Variants in ABCA13 observed in about 807,000 individuals in gnomAD.
ABCA13 encodes ATP-binding cassette sub-family A member 13.
In ABCA13, 476 loss-of-function variants were observed where a neutral mutation model predicts 478.7. That is an observed-to-expected ratio of 0.99 (90% confidence interval 0.92 to 1.07). ABCA13 has a LOEUF of 1.07. ABCA13 is among the 50% of genes least tolerant of loss of function. ABCA13 has a pLI of 0.00. For missense variants in ABCA13, 6,060 were observed against 5,910.6 expected, an observed-to-expected ratio of 1.03 and a Z score of -0.83; for synonymous variants, 2,252 against 2,158.9, an observed-to-expected ratio of 1.04 and a Z score of -1.20.
chr7:48,585,201 G>A (rs1324777697), intron 56 of ABCA13, among the ~76,000 whole-genome samples: 7 of 151,996 alleles, frequency 4.6e-5, no homozygotes, highest in African/African-American at 1.2e-4. Context: ...TGAATAAAAC[G>A]TTTTGTTTTG....
rs372602347 is a variant in ABCA13 at position 48,196,557 on chromosome 7, T to G, written c.164-1680T>G. Among the ~76,000 whole-genome samples, 20 of 152,260 alleles carry G rather than the reference T, an allele frequency of 1.3e-4. No homozygotes were observed. The East Asian group carries it at 3.7e-3, about 28-fold the overall frequency. On this transcript the variant is annotated intron_variant, in intron 2 of 61. Coordinates refer to ENST00000435803, the MANE Select transcript of ABCA13 (RefSeq NM_152701.5). ...TTGGTGAGAAAGCCAGTCAGGAGCA[T>G]GCACTCAGCACCAGCCTGGCATGGC...
intron 30 of ABCA13, 23 bp from the exon 31 acceptor site, chr7:48,352,157 TC>T (rs1219253491): frequency 6.3e-7 from 1 of 1,585,592 alleles, no homozygotes; most frequent in East Asian, 2.2e-5. Flanking sequence ...TGGTAATGCT[TC>T]GTTTTTCCTT....
rs372374378 is a variant in ABCA13 at position 48,245,373 on chromosome 7, A to G, written c.1391-139A>G. The G allele has an allele frequency of 2.2e-5, 13 of 579,024 alleles. No individual in the cohort carries two copies. In the East Asian group the frequency reaches 2.6e-4, roughly 12 times the overall value. The allele number at this position is 579,024 out of a possible 1,614,324, so 35.9% of individuals were successfully genotyped here. ...TGACTCCTGTTTTCCTTTCTAAGGA[A>G]GAGAAGAAAATGTATAATAATAGGT... On this transcript the variant is annotated intron_variant, in intron 11 of 61. Transcript: ENST00000435803.
intron 47 of ABCA13, among the ~76,000 whole-genome samples, chr7:48,486,529 A>G (rs1829318018): frequency 1.3e-5 from 2 of 152,074 alleles, no homozygotes; most frequent in African/African-American, 4.8e-5. Context: ...AGGCTTCTCA[A>G]TTGTCTCTTT....
intron 35 of ABCA13, among the ~76,000 whole-genome samples, chr7:48,381,319 G>A (rs1228253377): frequency 6.6e-6 from 1 of 151,988 alleles, no homozygotes; most frequent in Non-Finnish European, 1.5e-5. Context: ...GTAGGAGGCA[G>A]GAGGCAGGTG....
chr7:48,620,172 A>C (rs1792999710), intron 59 of ABCA13, among the ~76,000 whole-genome samples: 1 of 132,918 alleles, frequency 7.5e-6, no homozygotes, highest in African/African-American at 3.2e-5. Flanking sequence ...GAAATAGCGA[A>C]ATATCTTAGA....
chr7:48,393,985 C>G (rs757463303), intron 38 of ABCA13, among the ~76,000 whole-genome samples: 1 of 152,156 alleles, frequency 6.6e-6, no homozygotes, highest in Non-Finnish European at 1.5e-5. Flanking sequence ...TTCTGCAAAG[C>G]TTATCTTGTC....
At chr7:48,407,485 A>AT (rs777453458) in intron 39 of ABCA13, among the ~76,000 whole-genome samples, 87 of 149,734 alleles carry the variant, frequency 5.8e-4, no homozygotes, top group Non-Finnish European at 9.7e-4. Context: ...AAAAAAAAAA[A>AT]TTTTCAGGGA....
intron 51 of ABCA13, among the ~76,000 whole-genome samples, chr7:48,515,998 C>G (rs1832079071): frequency 6.6e-6 from 1 of 152,034 alleles, no homozygotes; most frequent in Admixed American, 6.6e-5. Flanking sequence ...TGTTGTGACC[C>G]CATCCGGTGT....
chr7:48,224,530 A>G (rs1338874527), intron 5 of ABCA13, among the ~76,000 whole-genome samples: 2 of 152,242 alleles, frequency 1.3e-5, no homozygotes, highest in Admixed American at 1.3e-4. Flanking sequence ...TGGATGTTGC[A>G]GTGAACCTTC....
intron 42 of ABCA13, among the ~76,000 whole-genome samples, chr7:48,447,179 G>A (rs10254742): frequency 0.12 from 17,596 of 152,144 alleles, 1,215 homozygotes; most frequent in Admixed American, 0.16. Context: ...TGCCTCAAAA[G>A]TGGGTAATGC....
chr7:48,329,961 CCATCTATCCATCTATGCATCCATT>C (rs1804977693), intron 27 of ABCA13, among the ~76,000 whole-genome samples: 2 of 151,902 alleles, frequency 1.3e-5, no homozygotes, highest in African/African-American at 4.8e-5. Flanking sequence ...TTCTATCCAT[CCATCTATCCATCTATGCATCCATT>C]CATCTATCCA....
At chr7:48,330,619 A>T (rs1489219674) in intron 27 of ABCA13, among the ~76,000 whole-genome samples, 1 of 151,678 alleles carries the variant, frequency 6.6e-6, no homozygotes, top group East Asian at 1.9e-4. Context: ...CCATCCATCC[A>T]TCCATTCATC....
At chr7:48,287,936 TTC>T (rs572680451) in intron 19 of ABCA13, 22 bp from the exon 20 acceptor site, 12 of 1,586,004 alleles carry the variant, frequency 7.6e-6, no homozygotes, top group Non-Finnish European at 8.7e-6. Context: ...TATTAATTAT[TTC>T]TCTGTGTGTT....
At chr7:48,524,876 T>G (rs7779786) in intron 54 of ABCA13, among the ~76,000 whole-genome samples, 12,765 of 152,206 alleles carry the variant, frequency 0.084, 931 homozygotes, top group African/African-American at 0.2. Context: ...AGCTCAGGAA[T>G]TTTTGTTCAC....
chr7:48,393,936 C>T (rs560333287), intron 38 of ABCA13, among the ~76,000 whole-genome samples: 47 of 152,312 alleles, frequency 3.1e-4, no homozygotes, highest in South Asian at 8.3e-4. Context: ...TGCCTGCTGT[C>T]GGCTTCTTCT....
chr7:48,390,775 C>A (rs984990932), intron 37 of ABCA13, among the ~76,000 whole-genome samples: 4 of 152,176 alleles, frequency 2.6e-5, no homozygotes, highest in Non-Finnish European at 5.9e-5. Flanking sequence ...CAGCCTGCTC[C>A]TTGGGACAGC....
At chr7:48,298,805 C>T (rs557052214) in intron 23 of ABCA13, among the ~76,000 whole-genome samples, 36 of 152,156 alleles carry the variant, frequency 2.4e-4, no homozygotes, top group Admixed American at 9.2e-4. Context: ...GGAAGGGTCT[C>T]GGCTTGATTC....
rs1228855261 is a variant in ABCA13, at chr7:48,281,357, G to A, written c.8741G>A (p.Cys2914Tyr). 2 of 1,605,212 alleles carry A rather than the reference G, an allele frequency of 1.2e-6. No homozygotes were observed. Among genetic ancestry groups the A allele is most frequent in the African/African-American group, 1.3e-5 (1 of 74,966 alleles). ...TTTTTGCTAAGTGTTGTTGAGATTT[G>A]TGAAGTTTTCCAGCAGACTGTGAAG... ...PLTDQSVVEI[C>Y]EVFQQTVKPS... The change falls in exon 19 of 62, where the codon TGT becomes TAT. Residue 2914 changes from cysteine to tyrosine, a missense_variant. This residue lies in a region of ABCA13 where 4,423 missense variants were observed against 4,309.1 expected (regional missense o/e 1.03). Coordinates refer to ENST00000435803, the MANE Select transcript of ABCA13 (RefSeq NM_152701.5).
Sources: gnomAD v4.1 joint callset for allele counts (sites outside exome capture counted in the v4.1 genomes callset) on GRCh38, gnomAD v4.1.1 for gene constraint, gnomAD v4.1.1 regional missense constraint, MANE v1.5 for transcripts, NCBI Gene and HGNC (gene_info 2026-07-23, HGNC 2026-07-21) for gene names.